Variants in AFF1 observed in about 807,000 individuals in gnomAD.
AFF1 encodes ALF transcription elongation factor 1.
A neutral mutation model predicts 121.7 loss-of-function variants in AFF1; 48 were observed. The ratio of observed to expected loss-of-function variants is 0.39; its 90% CI spans 0.31 to 0.50. AFF1 has a LOEUF of 0.50. Ranked by LOEUF, AFF1 falls within the 20% of genes least tolerant of loss-of-function variation. The probability of loss-of-function intolerance (pLI) is 0.76; values close to 1 mark genes in which losing one functional copy is unlikely to be tolerated. For synonymous variants in AFF1, 613 were observed against 563.0 expected (o/e 1.09, Z -1.26); for missense variants, 1,523 against 1,511.7 (o/e 1.01, Z -0.12).
At chr4:87,093,181 A>G (rs769410961) in intron 7 of AFF1, among the ~76,000 whole-genome samples, 3 of 152,182 alleles carry the variant, frequency 2.0e-5, no homozygotes, top group Admixed American at 6.5e-5. Flanking sequence ...ATGTGGGTCA[A>G]TTCCTTGTTA....
chr4:87,105,683 G>A lies in AFF1; in HGVS notation c.1338+1G>A. 2 of 1,614,202 alleles carry A rather than the reference G, an allele frequency of 1.2e-6. No individual in the cohort carries two copies. Among genetic ancestry groups the A allele is most frequent in the Non-Finnish European group, 1.7e-6 (2 of 1,180,026 alleles). On this transcript the variant is annotated splice_donor_variant, in intron 9 of 20. Coordinates refer to ENST00000395146, the MANE Select transcript of AFF1 (RefSeq NM_001166693.3). LOFTEE classifies it high-confidence loss of function. ...CAGTGAGGACAGTGACAGTGAACAA[G>A]TAAGTGTTGCACAGCCTGTAATACC...
At chr4:87,089,901 C>T (rs1449078310) in intron 5 of AFF1, 83 bp from the exon 6 acceptor site, 14 of 1,014,508 alleles carry the variant, frequency 1.4e-5, no homozygotes, top group Non-Finnish European at 2.1e-5. Context: ...TCAATCCATT[C>T]TACATTAAGT....
At chr4:86,999,895 A>G (rs1725548399) in intron 2 of AFF1, among the ~76,000 whole-genome samples, 1 of 152,176 alleles carries the variant, frequency 6.6e-6, no homozygotes, top group African/African-American at 2.4e-5. Flanking sequence ...ATTGGGAGAA[A>G]TGCCTTGTGC....
At chr4:86,985,216 A>ATATATATAT (rs1724145245) in intron 2 of AFF1, among the ~76,000 whole-genome samples, 6 of 78,696 alleles carry the variant, frequency 7.6e-5, no homozygotes, top group African/African-American at 4.8e-4. Context: ...TATATATATA[A>ATATATATAT]AATTATATTT....
chr4:87,015,050 C>G (rs753894923), intron 2 of AFF1, among the ~76,000 whole-genome samples: 1 of 152,036 alleles, frequency 6.6e-6, no homozygotes, highest in African/African-American at 2.4e-5. Context: ...AAAATTTTTC[C>G]TTAAAGGAAA....
At chr4:87,088,773 T>TTA (rs929730690) in intron 5 of AFF1, among the ~76,000 whole-genome samples, 1 of 46,614 alleles carries the variant, frequency 2.1e-5, no homozygotes, top group Non-Finnish European at 4.2e-5. Context: ...TTTTGTATTT[T>TTA]TGTATTTATT....
chr4:87,093,609 G>A (rs1724536863), intron 7 of AFF1, among the ~76,000 whole-genome samples: 1 of 152,184 alleles, frequency 6.6e-6, no homozygotes, highest in Non-Finnish European at 1.5e-5. Flanking sequence ...AGATGATCGT[G>A]TGGAGTCCCT....
At chr4:87,035,315 A>G (rs761126142) in intron 2 of AFF1, among the ~76,000 whole-genome samples, 20 of 152,256 alleles carry the variant, frequency 1.3e-4, no homozygotes, top group Non-Finnish European at 1.9e-4. Flanking sequence ...TAATCCCAGC[A>G]CTTTGGGAGG....
At chr4:87,008,886 TTATGTATTTTATTTAATGTATTTA>T (rs1442658104) in intron 2 of AFF1, among the ~76,000 whole-genome samples, 1 of 152,208 alleles carries the variant, frequency 6.6e-6, no homozygotes, top group Non-Finnish European at 1.5e-5. Flanking sequence ...CTTTGTATTC[TTATGTATTTTATTTAATGTATTTA>T]AAAACATTTT....
intron 1 of AFF1, among the ~76,000 whole-genome samples, chr4:86,937,447 C>A (rs1022957549): frequency 6.6e-6 from 1 of 152,212 alleles, no homozygotes; most frequent in Non-Finnish European, 1.5e-5. Flanking sequence ...TCCGGTTTAA[C>A]TGAATTTTGC....
intron 1 of AFF1, among the ~76,000 whole-genome samples, chr4:86,948,065 T>TG (rs1041364442): frequency 2.2e-4 from 34 of 152,124 alleles, no homozygotes; most frequent in East Asian, 5.8e-4. Context: ...TTGTTTTTTT[T>TG]TGTGTGTGTT....
At chr4:86,998,365 C>T (rs747510003) in intron 2 of AFF1, among the ~76,000 whole-genome samples, 2 of 152,142 alleles carry the variant, frequency 1.3e-5, no homozygotes, top group Non-Finnish European at 2.9e-5. Flanking sequence ...TTACCTCCTT[C>T]CTGGAACTAA....
At chr4:87,064,517 G>A (rs1047789807) in intron 4 of AFF1, among the ~76,000 whole-genome samples, 3 of 152,160 alleles carry the variant, frequency 2.0e-5, no homozygotes, top group Admixed American at 6.5e-5. Context: ...CGAGGCAGGA[G>A]GATTCCTCGA....
In AFF1 at chr4:86,977,316, C is replaced by T. The variant is rs181440344; in HGVS notation, c.38+28745C>T. 1.2e-4 allele frequency among the ~76,000 whole-genome samples: 18 copies of T among 152,198 alleles called. No individual in the cohort carries two copies. The South Asian group carries it at 2.7e-3, about 23-fold the overall frequency. The stretch of plus-strand genomic sequence containing the variant: ...GGGATGATTCACGTCCCAGGTGGGA[C>T]GGAGAGGACAGCGAGAAATTTCATC... On this transcript the variant is annotated intron_variant, in intron 2 of 20. Coordinates refer to ENST00000395146, the MANE Select transcript of AFF1 (RefSeq NM_001166693.3).
chr4:87,040,848 C>T (rs899531541), intron 2 of AFF1, among the ~76,000 whole-genome samples: 2 of 147,212 alleles, frequency 1.4e-5, no homozygotes, highest in South Asian at 2.2e-4. Context: ...GCTGGGATTA[C>T]AGGCGTGAGC....
chr4:87,140,803 C>T lies in AFF1; in HGVS notation c.*5102C>T, dbSNP rs3733372. ...GGCTTTGTGAATAAAATTTAGCTGC[C>T]TTGTATAGTCGTTTGAAAGAATATG... On this transcript the variant is annotated 3_prime_UTR_variant, in exon 21 of 21. Transcript: ENST00000395146. 77 of 188,242 alleles carry T rather than the reference C, an allele frequency of 4.1e-4. No individual in the cohort carries two copies. In the East Asian group the frequency reaches 6.5e-3, roughly 16 times the overall value. The allele number at this position is 188,242 out of a possible 1,614,324, so 11.7% of individuals were successfully genotyped here. A position where few individuals can be genotyped will look rare whatever the true frequency, so the allele number is the denominator to read the frequency against.
At chr4:87,086,522 A>G (rs957914031) in intron 5 of AFF1, among the ~76,000 whole-genome samples, 1 of 152,174 alleles carries the variant, frequency 6.6e-6, no homozygotes, top group Non-Finnish European at 1.5e-5. Flanking sequence ...ATGATTTGGA[A>G]ATCATAACTT....
intron 11 of AFF1, among the ~76,000 whole-genome samples, chr4:87,112,444 A>G (rs1726633385): frequency 6.6e-6 from 1 of 152,246 alleles, no homozygotes; most frequent in African/African-American, 2.4e-5. Context: ...ACAGAAAGAA[A>G]AAAGGAATTA....
At chr4:87,069,364 TCTCC>T (rs1036594470) in intron 4 of AFF1, among the ~76,000 whole-genome samples, 1 of 146,944 alleles carries the variant, frequency 6.8e-6, no homozygotes, top group African/African-American at 2.5e-5. Context: ...GGATTCATTC[TCTCC>T]CTCCCTCTCC....
Sources: gnomAD v4.1 joint callset for allele counts (sites outside exome capture counted in the v4.1 genomes callset) on GRCh38, gnomAD v4.1.1 for gene constraint, MANE v1.5 for transcripts, NCBI Gene and HGNC (gene_info 2026-07-23, HGNC 2026-07-21) for gene names.